Variants in MAP1B observed in about 807,000 individuals in gnomAD.
MAP1B encodes the protein microtubule-associated protein 1B.
MAP1B carries 12 observed loss-of-function variants against 176.1 expected under a neutral mutation model. That is an observed-to-expected ratio of 0.07 (90% confidence interval 0.04 to 0.11). MAP1B has a LOEUF of 0.11. MAP1B is among the 10% of genes least tolerant of loss of function. The pLI, the probability that MAP1B is intolerant of heterozygous loss-of-function variation, is 1.00. For synonymous variants in MAP1B, 1,044 were observed against 1,135.0 expected (o/e 0.92, Z 1.61); for missense variants, 2,523 against 2,990.5 (o/e 0.84, Z 3.65).
At chr5:72,145,653 C>T (rs1219870762) in intron 2 of MAP1B, among the ~76,000 whole-genome samples, 3 of 152,192 alleles carry the variant, frequency 2.0e-5, no homozygotes, top group African/African-American at 4.8e-5. Flanking sequence ...TCCATTCAGA[C>T]TCCAAGCATC....
At chr5:72,141,265 C>T (rs1745943163) in intron 2 of MAP1B, among the ~76,000 whole-genome samples, 2 of 152,186 alleles carry the variant, frequency 1.3e-5, no homozygotes, top group African/African-American at 2.4e-5. Flanking sequence ...ACACTGGTGC[C>T]GTGACACACA....
chr5:72,131,600 G>A (rs754970740), intron 2 of MAP1B, among the ~76,000 whole-genome samples: 1 of 152,136 alleles, frequency 6.6e-6, no homozygotes, highest in East Asian at 1.9e-4. Context: ...TTAAAAACAT[G>A]GGATTGATGA....
intron 4 of MAP1B, among the ~76,000 whole-genome samples, chr5:72,189,181 A>C (rs1411603314): frequency 6.6e-6 from 1 of 152,228 alleles, no homozygotes; most frequent in Non-Finnish European, 1.5e-5. Flanking sequence ...AAATAGAACT[A>C]TCAGTACACT....
intron 2 of MAP1B, among the ~76,000 whole-genome samples, chr5:72,161,686 G>T (rs1166004420): frequency 6.6e-6 from 1 of 152,200 alleles, no homozygotes; most frequent in Non-Finnish European, 1.5e-5. Context: ...GCTCAGCGCA[G>T]TGGCTCACAC....
intron 2 of MAP1B, among the ~76,000 whole-genome samples, chr5:72,148,757 G>T (rs555465618): frequency 6.6e-6 from 1 of 152,236 alleles, no homozygotes; most frequent in Non-Finnish European, 1.5e-5. Context: ...AATGCTCTTC[G>T]AAATAGCCCA....
intron 4 of MAP1B, among the ~76,000 whole-genome samples, chr5:72,190,198 C>A (rs1163097703): frequency 6.6e-6 from 1 of 152,268 alleles, no homozygotes; most frequent in Admixed American, 6.5e-5. Flanking sequence ...TCACCATACA[C>A]CATTAATGGT....
At chr5:72,158,006 ATTTTT>A (rs33987772) in intron 2 of MAP1B, among the ~76,000 whole-genome samples, 3 of 104,316 alleles carry the variant, frequency 2.9e-5, no homozygotes, top group Non-Finnish European at 2.0e-5. Context: ...CACCTGGCTA[ATTTTT>A]TTTTTTTTTT....
rs1011465386 is a variant in MAP1B at position 72,198,597 on chromosome 5, G to T, written c.5242G>T (p.Asp1748Tyr). ...PSQIASPLQE[D>Y]TLSDVAPPRD... The stretch of plus-strand genomic sequence containing the variant: ...TCAGATCGCTTCTCCTCTCCAAGAA[G>T]ATACTCTATCCGATGTTGCTCCTCC... Residue 1748 changes from aspartate to tyrosine, a missense_variant, in exon 5 of 7, where the codon GAT (aspartate) becomes TAT (tyrosine). Transcript: ENST00000296755. 1.2e-6 allele frequency: 2 copies of T among 1,614,090 alleles called. No individual in the cohort carries two copies. The highest frequency in any genetic ancestry group is 1.3e-5 in the African/African-American group (1 of 75,010).
intron 1 of MAP1B, among the ~76,000 whole-genome samples, chr5:72,110,070 A>AT (rs1276723622): frequency 1.3e-5 from 2 of 152,214 alleles, no homozygotes; most frequent in African/African-American, 4.8e-5. Flanking sequence ...CTTGACATTA[A>AT]TTTTTTAAAA....
chr5:72,205,817 C>T lies in MAP1B; in HGVS notation c.*578C>T, dbSNP rs1747436591. 6.6e-6 allele frequency: 1 copy of T among 152,168 alleles called. No individual in the cohort carries two copies. The highest frequency in any genetic ancestry group is 6.5e-5 in the Admixed American group (1 of 15,282). The allele number at this position is 152,168 out of a possible 1,614,324, so 9.4% of individuals were successfully genotyped here. A position where few individuals can be genotyped will look rare whatever the true frequency, so the allele number is the denominator to read the frequency against. ...GGCAAAGTTTTCCATTTTTGTCAGT[C>T]TGAGTCATCAAAAAGAGTCTTAATT... On this transcript the variant is annotated 3_prime_UTR_variant, in exon 7 of 7. Transcript: ENST00000296755.
chr5:72,177,190 C>T (rs1021456620), intron 2 of MAP1B, among the ~76,000 whole-genome samples: 12 of 152,100 alleles, frequency 7.9e-5, no homozygotes, highest in South Asian at 2.1e-4. Flanking sequence ...CCAGGGGAGC[C>T]GAGGAAGTCT....
intron 2 of MAP1B, 49 bp from the exon 3 acceptor site, chr5:72,183,694 C>A (rs202206799): frequency 6.7e-7 from 1 of 1,485,784 alleles, no homozygotes; most frequent in Non-Finnish European, 9.4e-7. Flanking sequence ...CAGTTTTTAT[C>A]TGGAAAAGCT....
intron 2 of MAP1B, among the ~76,000 whole-genome samples, chr5:72,138,209 C>G (rs1242391828): frequency 6.6e-6 from 1 of 152,144 alleles, no homozygotes; most frequent in East Asian, 1.9e-4. Flanking sequence ...ATTCAATTTA[C>G]ATACACACAG....
chr5:72,195,775 C>T lies in MAP1B; in HGVS notation c.2420C>T (p.Ala807Val), dbSNP rs760437312. 1.9e-6 allele frequency: 3 copies of T among 1,614,262 alleles called. No individual in the cohort carries two copies. Among genetic ancestry groups the T allele is most frequent in the South Asian group, 1.1e-5 (1 of 91,086 alleles). The change falls in exon 5 of 7, where the codon GCT (alanine) becomes GTT (valine). Residue 807 changes from alanine (A) to valine (V), a missense_variant. By Grantham distance (64) the Ala-to-Val change is moderately conservative. Around this residue, in one of 4 missense-constraint regions of MAP1B, gnomAD observed 1,925 missense variants for 2,126.0 expected, o/e 0.91. Coordinates refer to ENST00000296755, the MANE Select transcript of MAP1B (RefSeq NM_005909.5). ...AAVGTGATTA[A>V]VMAAAGIAAI... The stretch of plus-strand genomic sequence containing the variant: ...GTCGGCACTGGAGCCACCACAGCAG[C>T]TGTCATGGCGGCAGCTGGAATAGCA...
chr5:72,159,211 A>G (rs1746285679), intron 2 of MAP1B, among the ~76,000 whole-genome samples: 1 of 152,222 alleles, frequency 6.6e-6, no homozygotes, highest in African/African-American at 2.4e-5. Flanking sequence ...ACAGTCCTAG[A>G]TGAAAGATTG....
chr5:72,163,047 G>A (rs1283242406), intron 2 of MAP1B, among the ~76,000 whole-genome samples: 2 of 152,026 alleles, frequency 1.3e-5, no homozygotes, highest in African/African-American at 4.8e-5. Flanking sequence ...GGCCAACATA[G>A]TGACACCCTG....
chr5:72,120,730 C>T (rs1745513616), intron 2 of MAP1B, among the ~76,000 whole-genome samples: 1 of 152,126 alleles, frequency 6.6e-6, no homozygotes, highest in African/African-American at 2.4e-5. Context: ...CCGGCCCCAC[C>T]TCATAGTTTC....
At position 72,194,371 on chromosome 5, in the gene MAP1B, C is replaced by T. The variant is rs1262664089; in HGVS notation, c.1016C>T (p.Ser339Phe). ...AELEEEQSQG[S>F]TTNSDWMKNL... ...CTCGAGGAAGAACAGTCCCAGGGCT[C>T]CACCACAAATAGTGACTGGATGAAA... The change falls in exon 5 of 7, where the codon TCC becomes TTC. Residue 339 changes from serine (S) to phenylalanine (F), a missense_variant. Physicochemically the swap from Ser to Phe is radical, Grantham distance 155. Around this residue, in one of 4 missense-constraint regions of MAP1B, gnomAD observed 307 missense variants for 438.4 expected, o/e 0.70. Coordinates refer to ENST00000296755, the MANE Select transcript of MAP1B (RefSeq NM_005909.5). The surrounding 1 kb of genome is among the most constrained non-coding windows in gnomAD (Gnocchi z 7.2). The T allele has an allele frequency of 6.2e-7, 1 of 1,614,164 alleles. No homozygotes were observed.
At chr5:72,203,466 T>A (rs1747375098) in intron 5 of MAP1B, 97 bp from the exon 6 acceptor site, 4 of 860,990 alleles carry the variant, frequency 4.6e-6, no homozygotes, top group South Asian at 1.5e-5. Context: ...TACTTGTGAT[T>A]GAATAGGGAA....
Sources: gnomAD v4.1 joint callset for allele counts (sites outside exome capture counted in the v4.1 genomes callset) on GRCh38, gnomAD v4.1.1 for gene constraint, gnomAD v4.1.1 regional missense constraint, Gnocchi (gnomAD v3.1) non-coding constraint, MANE v1.5 for transcripts, NCBI Gene and HGNC (gene_info 2026-07-23, HGNC 2026-07-21) for gene names.